PTPRE: variants seen among roughly 807,000 people sequenced by gnomAD.
The protein encoded by PTPRE is protein tyrosine phosphatase receptor type E.
A neutral mutation model predicts 102.0 loss-of-function variants in PTPRE; 51 were observed. The ratio of observed to expected loss-of-function variants is 0.50; its 90% CI spans 0.40 to 0.63. The LOEUF is 0.63. PTPRE is among the 30% of genes least tolerant of loss of function. The pLI is 0.00. For missense variants in PTPRE, 752 were observed against 915.1 expected (o/e 0.82, Z 2.30); for synonymous variants, 345 against 348.2 (o/e 0.99, Z 0.10).
At chr10:128,016,280 C>G (rs571743419) in intron 2 of PTPRE, among the ~76,000 whole-genome samples, 1 of 152,200 alleles carries the variant, frequency 6.6e-6, no homozygotes, top group Admixed American at 6.5e-5. Flanking sequence ...CAGGTCAAAC[C>G]CAGTAATACA....
At chr10:128,048,254 TA>T (rs1214565271) in intron 5 of PTPRE, among the ~76,000 whole-genome samples, 2 of 152,242 alleles carry the variant, frequency 1.3e-5, no homozygotes, top group Non-Finnish European at 2.9e-5. Context: ...GCTTCATGTT[TA>T]CAGAGCATCA....
rs7474666 is a variant in PTPRE at position 128,083,834 on chromosome 10, C to G, written c.*928C>G. The G allele has an allele frequency of 0.28, 42,570 of 152,164 alleles. 6,585 individuals carry two copies. Among genetic ancestry groups the G allele is most frequent in the Middle Eastern group, 0.36 (105 of 294 alleles). 9.4% of individuals were successfully genotyped at this position (152,164 alleles called of 1,614,324 possible). A position where few individuals can be genotyped will look rare whatever the true frequency, so the allele number is the denominator to read the frequency against. On this transcript the variant is annotated 3_prime_UTR_variant, in exon 21 of 21. Transcript: ENST00000254667. ...AGATGAACTGAGCGTCTTACACACGCAGTACAGAGGAGCACACATTAGGAT... is the reference window on the plus strand; with the variant it reads ...AGATGAACTGAGCGTCTTACACACGGAGTACAGAGGAGCACACATTAGGAT...
At chr10:128,006,605 G>A (rs942487845) in intron 2 of PTPRE, among the ~76,000 whole-genome samples, 16 of 152,232 alleles carry the variant, frequency 1.1e-4, no homozygotes, top group African/African-American at 3.6e-4. Flanking sequence ...ACTTCACCAC[G>A]TGGAGCTGGA....
chr10:127,934,346 C>A (rs1847672983), intron 1 of PTPRE: 1 of 152,102 alleles, frequency 6.6e-6, no homozygotes, highest in African/African-American at 2.4e-5. Context: ...GTTAGAATAT[C>A]TATTTGCTTT....
At chr10:128,048,167 T>C (rs1848256246) in intron 5 of PTPRE, among the ~76,000 whole-genome samples, 1 of 152,200 alleles carries the variant, frequency 6.6e-6, no homozygotes, top group South Asian at 2.1e-4. Context: ...GATAAGACTG[T>C]CTGGCTCAGA....
chr10:127,913,834 C>A (rs929469109), intron 1 of PTPRE, among the ~76,000 whole-genome samples: 9 of 152,130 alleles, frequency 5.9e-5, no homozygotes, highest in Admixed American at 2.6e-4. Flanking sequence ...GATGTCCGAC[C>A]CTGGGACTCT....
At chr10:127,991,168 G>T (rs1487559696) in intron 2 of PTPRE, among the ~76,000 whole-genome samples, 1 of 152,216 alleles carries the variant, frequency 6.6e-6, no homozygotes, top group African/African-American at 2.4e-5. Context: ...ATGTCACCGG[G>T]ATGAAGTTAG....
intron 2 of PTPRE, among the ~76,000 whole-genome samples, chr10:128,001,510 G>C (rs1215752273): frequency 6.6e-6 from 1 of 152,078 alleles, no homozygotes; most frequent in Non-Finnish European, 1.5e-5. Flanking sequence ...TTGCTTCTTC[G>C]GGGCTGTTCA....
At chr10:128,000,959 T>C (rs1198134495) in intron 2 of PTPRE, among the ~76,000 whole-genome samples, 2 of 152,224 alleles carry the variant, frequency 1.3e-5, no homozygotes, top group Non-Finnish European at 2.9e-5. Context: ...TTCAGAGTCA[T>C]GGATAGTAGG....
chr10:127,907,410 A>C lies in PTPRE; in HGVS notation c.-31+101A>C. 1 of 878,142 alleles carries C rather than the reference A, an allele frequency of 1.1e-6. No homozygotes were observed. The highest frequency in any genetic ancestry group is 1.8e-5 in the African/African-American group (1 of 54,256). 54.4% of individuals were successfully genotyped at this position (878,142 alleles called of 1,614,324 possible). On this transcript the variant is annotated intron_variant, in intron 1 of 20. Transcript: ENST00000254667. This position sits in a 1 kb window ranked among gnomAD's most constrained non-coding sequence, Gnocchi z 4.8. ...GCGCTGCCTCGGCCGCTGCCGCGGG[A>C]GGGAGGGGCCGCTCCGGGGCTCAGA...
Position 128,056,151 on chromosome 10 carries a change from C to A in PTPRE, c.449C>A (p.Thr150Asn). The change falls in exon 7 of 21, where the codon ACT (threonine) becomes AAT (asparagine). Residue 150 changes from threonine (T) to asparagine (N), a missense_variant. Around this residue, in one of 2 missense-constraint regions of PTPRE, gnomAD observed 636 missense variants for 824.4 expected, o/e 0.77. Transcript: ENST00000254667. ...TTGCCATCTGGACACATACAAGGAA[C>A]TTTTGAACTGGCAAATAAAGAAGAA... ...NSLPSGHIQG[T>N]FELANKEENR... 1 of 1,612,888 alleles carries A rather than the reference C, an allele frequency of 6.2e-7. No individual in the cohort carries two copies. The highest frequency in any genetic ancestry group is 8.5e-7 in the Non-Finnish European group (1 of 1,178,980).
At chr10:127,909,855 A>G (rs1357409882) in intron 1 of PTPRE, among the ~76,000 whole-genome samples, 2 of 152,170 alleles carry the variant, frequency 1.3e-5, no homozygotes, top group African/African-American at 2.4e-5. Context: ...AGGCAGCCAC[A>G]CATTTTTGCC....
At chr10:128,040,586 T>C (rs376325585) in intron 2 of PTPRE, among the ~76,000 whole-genome samples, 7 of 151,982 alleles carry the variant, frequency 4.6e-5, no homozygotes, top group African/African-American at 1.7e-4. Flanking sequence ...GGGTCTGGGA[T>C]GAGATCACCC....
chr10:128,000,042 G>GA, intron 2 of PTPRE: 3 of 899,138 alleles, frequency 3.3e-6, no homozygotes, highest in Non-Finnish European at 4.0e-6. Context: ...AGATTGTGAG[G>GA]AAAAAATGCA....
At chr10:127,993,510 G>A (rs563790579) in intron 2 of PTPRE, among the ~76,000 whole-genome samples, 1 of 152,206 alleles carries the variant, frequency 6.6e-6, no homozygotes, top group Non-Finnish European at 1.5e-5. Flanking sequence ...CCATTGTCCT[G>A]GGATCCCCAG....
intron 1 of PTPRE, among the ~76,000 whole-genome samples, chr10:127,924,939 G>A (rs759045508): frequency 1.9e-4 from 29 of 152,164 alleles, no homozygotes; most frequent in African/African-American, 7.0e-4. Context: ...GAGCTCCCTG[G>A]GATACTTGGA....
At chr10:127,939,840 G>T (rs1239532698) in intron 1 of PTPRE, among the ~76,000 whole-genome samples, 1 of 150,374 alleles carries the variant, frequency 6.7e-6, no homozygotes, top group East Asian at 2.0e-4. Flanking sequence ...GTGAGGGCAG[G>T]TGCAGGCAGA....
chr10:128,042,342 C>T (rs777559307), intron 3 of PTPRE, among the ~76,000 whole-genome samples: 19 of 152,198 alleles, frequency 1.2e-4, no homozygotes, highest in South Asian at 2.1e-4. Flanking sequence ...GGCAGGATGA[C>T]GTCCACTCCA....
rs529049676 is a variant in PTPRE at position 127,943,531 on chromosome 10, C to T, written c.-31+36222C>T. ...CTCTGAGTCTAGGTTGAAGGAAGGT[C>T]GGTGAAGACCCCACCCACAGTGAGA... is the stretch of plus-strand genomic sequence containing the variant. On this transcript the variant is annotated intron_variant, in intron 1 of 20. Coordinates refer to ENST00000254667, the MANE Select transcript of PTPRE (RefSeq NM_006504.6). Among the ~76,000 whole-genome samples, 13 of 152,244 alleles carry T rather than the reference C, an allele frequency of 8.5e-5. 1 individual carries two copies. In the South Asian group the frequency reaches 2.5e-3, roughly 29 times the overall value.
Sources: gnomAD v4.1 joint callset for allele counts (sites outside exome capture counted in the v4.1 genomes callset) on GRCh38, gnomAD v4.1.1 for gene constraint, gnomAD v4.1.1 regional missense constraint, Gnocchi (gnomAD v3.1) non-coding constraint, MANE v1.5 for transcripts, NCBI Gene and HGNC (gene_info 2026-07-23, HGNC 2026-07-21) for gene names.